Variants in SCFD2 observed in about 807,000 individuals in gnomAD.
The protein encoded by SCFD2 is sec1 family domain-containing protein 2.
SCFD2 carries 54 observed loss-of-function variants against 58.9 expected under a neutral mutation model. That is an observed-to-expected ratio of 0.92 (90% CI 0.74 to 1.15). The LOEUF is 1.15. Ranked by LOEUF, SCFD2 falls within the 50% of genes most tolerant of loss-of-function variation. SCFD2 has a pLI of 0.00. For missense variants in SCFD2, 805 were observed against 836.6 expected, an observed-to-expected ratio of 0.96 and a Z score of 0.47; for synonymous variants, 321 against 335.9, an observed-to-expected ratio of 0.96 and a Z score of 0.49.
At chr4:53,330,894 G>C (rs1459735394) in intron 2 of SCFD2, among the ~76,000 whole-genome samples, 2 of 151,880 alleles carry the variant, frequency 1.3e-5, no homozygotes, top group African/African-American at 4.8e-5. Flanking sequence ...TAAAAGGATG[G>C]AGGAAGATCT....
chr4:53,238,488 T>C (rs1577880860), intron 4 of SCFD2, among the ~76,000 whole-genome samples: 1 of 141,044 alleles, frequency 7.1e-6, no homozygotes, highest in Non-Finnish European at 1.5e-5. Flanking sequence ...GGGCGGCTGG[T>C]GGGGCGGGGG....
intron 5 of SCFD2, among the ~76,000 whole-genome samples, chr4:53,061,237 A>G (rs990301097): frequency 6.6e-6 from 1 of 152,178 alleles, no homozygotes; most frequent in African/African-American, 2.4e-5. Flanking sequence ...TGGCATGGCA[A>G]ATACTAATGC....
intron 2 of SCFD2, among the ~76,000 whole-genome samples, chr4:53,330,482 A>G (rs1332901050): frequency 6.6e-6 from 1 of 152,212 alleles, no homozygotes; most frequent in Non-Finnish European, 1.5e-5. Flanking sequence ...AGAATTTCAC[A>G]TCCAGCCAAA....
At chr4:53,332,712 A>G (rs1010031915) in intron 2 of SCFD2, among the ~76,000 whole-genome samples, 62 of 151,772 alleles carry the variant, frequency 4.1e-4, no homozygotes, top group Middle Eastern at 3.4e-3. Context: ...CTCTCTCACC[A>G]CTCCTATTCA....
chr4:53,188,251 G>A (rs1201496324), intron 4 of SCFD2, among the ~76,000 whole-genome samples: 1 of 152,148 alleles, frequency 6.6e-6, no homozygotes, highest in East Asian at 1.9e-4. Context: ...GGTTATAGTT[G>A]TAGAAACACT....
At chr4:53,218,304 T>C (rs539997698) in intron 4 of SCFD2, among the ~76,000 whole-genome samples, 1 of 152,332 alleles carries the variant, frequency 6.6e-6, no homozygotes, top group South Asian at 2.1e-4. Flanking sequence ...TTTGGTCTTT[T>C]CACATGTCCC....
chr4:53,210,984 C>G (rs989576983), intron 4 of SCFD2, among the ~76,000 whole-genome samples: 1 of 152,058 alleles, frequency 6.6e-6, no homozygotes, highest in Non-Finnish European at 1.5e-5. Context: ...GTGGCTTACT[C>G]CTGTAATCCC....
intron 4 of SCFD2, among the ~76,000 whole-genome samples, chr4:53,177,786 A>G (rs534825440): frequency 2.0e-5 from 3 of 152,314 alleles, no homozygotes; most frequent in Admixed American, 6.5e-5. Context: ...CACCTGGAAA[A>G]GCAGGTCACT....
intron 5 of SCFD2, among the ~76,000 whole-genome samples, chr4:52,952,931 C>A (rs995572321): frequency 1.3e-5 from 2 of 152,180 alleles, no homozygotes; most frequent in African/African-American, 4.8e-5. Flanking sequence ...ATGCTAACAT[C>A]TTGAAATCTA....
chr4:52,908,329 C>A (rs1029842467), intron 6 of SCFD2, among the ~76,000 whole-genome samples: 1 of 152,208 alleles, frequency 6.6e-6, no homozygotes, highest in African/African-American at 2.4e-5. Context: ...GCTTTCTGAG[C>A]TGTTTTTCAC....
At chr4:52,981,872 A>G (rs1721382055) in intron 5 of SCFD2, among the ~76,000 whole-genome samples, 1 of 152,154 alleles carries the variant, frequency 6.6e-6, no homozygotes, top group Non-Finnish European at 1.5e-5. Context: ...ATACACTACT[A>G]CTGTTGGGAG....
chr4:53,019,726 A>G (rs1377413371), intron 5 of SCFD2, among the ~76,000 whole-genome samples: 2 of 152,218 alleles, frequency 1.3e-5, no homozygotes, highest in Non-Finnish European at 2.9e-5. Flanking sequence ...ATATAAAGTT[A>G]TGCAGCTGAG....
At chr4:52,897,711 A>T (rs1056534356) in intron 7 of SCFD2, among the ~76,000 whole-genome samples, 1 of 152,096 alleles carries the variant, frequency 6.6e-6, no homozygotes, top group Non-Finnish European at 1.5e-5. Flanking sequence ...TATTGACTGG[A>T]ATAGTTTCAG....
chr4:53,242,248 T>A (rs925059612), intron 4 of SCFD2, among the ~76,000 whole-genome samples: 6 of 152,184 alleles, frequency 3.9e-5, no homozygotes, highest in African/African-American at 1.4e-4. Context: ...TGACCAGCAG[T>A]ATGGGAGCAC....
rs537849808 is a variant in SCFD2 at position 53,255,992 on chromosome 4, G to C, written c.1311+17834C>G. Among the ~76,000 whole-genome samples the C allele has an allele frequency of 2.6e-3, 390 of 148,616 alleles. 2 individuals carry two copies. Among genetic ancestry groups the C allele is most frequent in the African/African-American group, 9.2e-3 (373 of 40,510 alleles). Reference sequence around the variant, plus strand: ...GGCTGACCCCCCCACCTCCCTCCCAGACGGGGCGGCTGGCCGGGCGGGGGT... The same window carrying C: ...GGCTGACCCCCCCACCTCCCTCCCACACGGGGCGGCTGGCCGGGCGGGGGT... On this transcript the variant is annotated intron_variant, in intron 4 of 8. Transcript: ENST00000401642.
intron 4 of SCFD2, among the ~76,000 whole-genome samples, chr4:53,167,300 T>C (rs1727039376): frequency 6.6e-6 from 1 of 152,234 alleles, no homozygotes. Flanking sequence ...TCCAGACATT[T>C]ATTTTCTCAT....
At chr4:53,174,905 A>C (rs893068750) in intron 4 of SCFD2, among the ~76,000 whole-genome samples, 2 of 152,122 alleles carry the variant, frequency 1.3e-5, no homozygotes, top group African/African-American at 2.4e-5. Context: ...TATGTCATCC[A>C]TATAAATGTT....
At chr4:52,945,472 C>A (rs1720399102) in intron 5 of SCFD2, among the ~76,000 whole-genome samples, 2 of 152,254 alleles carry the variant, frequency 1.3e-5, no homozygotes, top group East Asian at 1.9e-4. Flanking sequence ...TAAAATAATT[C>A]CATATCCTTG....
chr4:52,993,452 T>A (rs1721669367), intron 5 of SCFD2, among the ~76,000 whole-genome samples: 1 of 152,268 alleles, frequency 6.6e-6, no homozygotes, highest in African/African-American at 2.4e-5. Context: ...AATATTTTAT[T>A]TATGTGCGGC....
Sources: allele counts gnomAD v4.1 joint callset (sites outside exome capture counted in the v4.1 genomes callset), GRCh38; gene constraint gnomAD v4.1.1; transcripts MANE v1.5; gene names NCBI Gene and HGNC (gene_info 2026-07-23, HGNC 2026-07-21).